Variants in ANKRD18A observed in about 807,000 individuals in gnomAD.
ANKRD18A encodes the protein ankyrin repeat domain 18A.
In ANKRD18A, 72 loss-of-function variants were observed where a neutral mutation model predicts 110.6. The ratio of observed to expected loss-of-function variants is 0.65; its 90% confidence interval spans 0.54 to 0.79. The LOEUF is 0.79. Among genes scored for constraint, ANKRD18A ranks in the 30% least tolerant of loss-of-function variants. The probability of loss-of-function intolerance (pLI) is 0.00; values close to 1 mark genes in which losing one functional copy is unlikely to be tolerated. For missense variants in ANKRD18A, 934 were observed against 1,163.3 expected (o/e 0.80, Z 2.87); for synonymous variants, 305 against 410.3 (o/e 0.74, Z 3.10).
Position 38,594,782 on chromosome 9 carries a change from G to T in ANKRD18A, c.1854+704C>A, listed in dbSNP as rs559601386. On this transcript the variant is annotated intron_variant, in intron 9 of 15. Coordinates refer to ENST00000399703, the MANE Select transcript of ANKRD18A (RefSeq NM_147195.4). The stretch of plus-strand genomic sequence containing the variant: ...CACTTCAGTTCATCTGGAAAATCTA[G>T]AATTAAGTGTCAAAGCAGCTCACTT... Among the ~76,000 whole-genome samples, 19 of 152,272 alleles carry T rather than the reference G, an allele frequency of 1.2e-4. No homozygotes were observed. In the South Asian group the frequency reaches 1.7e-3, roughly 13 times the overall value.
At chr9:38,566,859 TGAGGA>T, downstream of ANKRD18A, 1 of 152,238 alleles carries the variant, frequency 6.6e-6, no homozygotes. Flanking sequence ...CTCATGATTG[TGAGGA>T]CAGTAGCAAG....
chr9:38,586,079 C>T lies in ANKRD18A; in HGVS notation c.2247+104G>A, dbSNP rs140916215. The T allele has an allele frequency of 1.4e-3, 1,753 of 1,212,414 alleles. 17 individuals carry two copies. In the African/African-American group the frequency reaches 0.023, roughly 16 times the overall value. The allele number at this position is 1,212,414 out of a possible 1,614,324, so 75.1% of individuals were successfully genotyped here. ...TTAATACCTAGGTGATGCATTGATA[C>T]GTGCAGCAAACCATCATGGCACACA... On this transcript the variant is annotated intron_variant, in intron 12 of 15. Coordinates refer to ENST00000399703, the MANE Select transcript of ANKRD18A (RefSeq NM_147195.4).
chr9:38,615,862 A>G (rs1247594198), intron 2 of ANKRD18A, 68 bp downstream of exon 2: 3 of 1,521,362 alleles, frequency 2.0e-6, no homozygotes, highest in Non-Finnish European at 2.6e-6. Flanking sequence ...TAAATGAGAC[A>G]AATTCATTTT....
intron 14 of ANKRD18A, among the ~76,000 whole-genome samples, chr9:38,576,519 A>C (rs938644303): frequency 3.9e-4 from 59 of 152,354 alleles, no homozygotes; most frequent in African/African-American, 1.4e-3. Context: ...CACAAGGATG[A>C]CTTTATGTAA....
At chr9:38,588,464 G>T in intron 11 of ANKRD18A, 87 bp downstream of exon 11, 16 of 803,616 alleles carry the variant, frequency 2.0e-5, no homozygotes, top group East Asian at 3.7e-5. Context: ...GACATAAAAT[G>T]GATTTGTATC....
At chr9:38,603,129 G>A in intron 7 of ANKRD18A, 30 bp downstream of exon 7, 2 of 1,519,724 alleles carry the variant, frequency 1.3e-6, no homozygotes, top group Non-Finnish European at 1.8e-6. Flanking sequence ...CTCTTTACAT[G>A]GTTAGGAGTA....
chr9:38,606,381 T>G (rs1825359186), intron 6 of ANKRD18A, among the ~76,000 whole-genome samples: 1 of 152,246 alleles, frequency 6.6e-6, no homozygotes, highest in Non-Finnish European at 1.5e-5. Flanking sequence ...AACCATTTTC[T>G]TCCTCCTCAG....
At chr9:38,581,171 G>A (rs1824145113) in intron 12 of ANKRD18A, among the ~76,000 whole-genome samples, 1 of 152,140 alleles carries the variant, frequency 6.6e-6, no homozygotes, top group African/African-American at 2.4e-5. Context: ...GTTTTAAAAA[G>A]AGACAACAGG....
intron 7 of ANKRD18A, among the ~76,000 whole-genome samples, 162 bp from the exon 8 acceptor site, chr9:38,601,366 A>C (rs1825111437): frequency 6.6e-6 from 1 of 152,138 alleles, no homozygotes; most frequent in African/African-American, 2.4e-5. Context: ...AATTACCTAA[A>C]ACTTTAACAA....
chr9:38,571,502 G>A lies in ANKRD18A; in HGVS notation c.*543C>T, dbSNP rs188499434. The A allele has an allele frequency of 2.7e-5, 21 of 773,932 alleles. No homozygotes were observed. Among genetic ancestry groups the A allele is most frequent in the Middle Eastern group, 5.8e-4 (1 of 1,734 alleles). The allele number at this position is 773,932 out of a possible 1,614,324, so 47.9% of individuals were successfully genotyped here. On this transcript the variant is annotated 3_prime_UTR_variant, in exon 16 of 16. Transcript: ENST00000399703. ...AATGCTAAATCTAGTGGGTTTTGAGGAGTAACCAGATATTTACAGAGCTTC... is the reference window on the plus strand; with the variant it reads ...AATGCTAAATCTAGTGGGTTTTGAGAAGTAACCAGATATTTACAGAGCTTC...
intron 10 of ANKRD18A, among the ~76,000 whole-genome samples, chr9:38,592,371 T>C (rs577255441): frequency 6.6e-6 from 1 of 152,240 alleles, no homozygotes; most frequent in Non-Finnish European, 1.5e-5. Flanking sequence ...AAAAGCCATG[T>C]CAAATTAAGG....
intron 1 of ANKRD18A, among the ~76,000 whole-genome samples, chr9:38,619,222 G>C (rs758587242): frequency 1.3e-5 from 2 of 152,080 alleles, no homozygotes; most frequent in Admixed American, 1.3e-4. Flanking sequence ...CATTTTGCAT[G>C]TGTAAAAATT....
At chr9:38,567,053 CTTCT>C (rs1823499674), downstream of ANKRD18A, 1 of 152,200 alleles carries the variant, frequency 6.6e-6, no homozygotes, top group African/African-American at 2.4e-5. Context: ...ATCCAGCCAG[CTTCT>C]TTGAGACTCT....
At chr9:38,619,452 A>G (rs770117000) in intron 1 of ANKRD18A, among the ~76,000 whole-genome samples, 14 of 152,154 alleles carry the variant, frequency 9.2e-5, no homozygotes, top group Admixed American at 2.0e-4. Context: ...TAAATAATTA[A>G]TTGTGGGAAT....
intron 4 of ANKRD18A, among the ~76,000 whole-genome samples, chr9:38,610,687 G>C (rs1435768006): frequency 2.6e-5 from 4 of 152,134 alleles, no homozygotes; most frequent in African/African-American, 9.7e-5. Context: ...TGATGGCCAA[G>C]AAACTGTGCT....
Position 38,595,837 on chromosome 9 carries a change from T to C in ANKRD18A, c.1503A>G (p.Thr501=). The part of the protein sequence containing the change: ...RETRDALREK[T]LALGSVQLDL... ...CCAGCTGTACACTTCCTAAAGCCAATGTCTTTTCCCTGAGAGCATCTCTTG... is the reference window on the plus strand; with the variant it reads ...CCAGCTGTACACTTCCTAAAGCCAACGTCTTTTCCCTGAGAGCATCTCTTG... Residue 501 remains threonine (T), a synonymous_variant, in exon 9 of 16, where the codon ACA becomes ACG. Transcript: ENST00000399703. 1.3e-6 allele frequency: 2 copies of C among 1,551,268 alleles called. No homozygotes were observed. Among genetic ancestry groups the C allele is most frequent in the Non-Finnish European group, 8.7e-7 (1 of 1,146,682 alleles).
intron 3 of ANKRD18A, among the ~76,000 whole-genome samples, chr9:38,611,713 T>G (rs1451165293): frequency 1.1e-4 from 17 of 152,164 alleles, no homozygotes; most frequent in Admixed American, 1.1e-3. Context: ...TTTAAGTTTT[T>G]AAAATAAATT....
At chr9:38,610,516 A>C in intron 4 of ANKRD18A, 106 bp from the exon 5 acceptor site, 1 of 1,418,752 alleles carries the variant, frequency 7.0e-7, no homozygotes, top group East Asian at 2.5e-5. Context: ...CAGGATAGAC[A>C]TAATAACCAT....
intron 1 of ANKRD18A, among the ~76,000 whole-genome samples, chr9:38,618,861 T>A (rs1587553178): frequency 6.8e-6 from 1 of 147,886 alleles, no homozygotes; most frequent in East Asian, 2.0e-4. Flanking sequence ...TCTGTATATA[T>A]ATAACTGATA....
Sources: gnomAD v4.1 joint callset for allele counts (sites outside exome capture counted in the v4.1 genomes callset) on GRCh38, gnomAD v4.1.1 for gene constraint, MANE v1.5 for transcripts, NCBI Gene and HGNC (gene_info 2026-07-23, HGNC 2026-07-21) for gene names.